PDGFC: variants seen among roughly 807,000 people sequenced by gnomAD.
PDGFC encodes platelet derived growth factor C, also known as platelet-derived growth factor C.
PDGFC carries 12 observed loss-of-function variants against 35.5 expected under a neutral mutation model. The observed-to-expected ratio is 0.34, with a 90% CI of 0.22 to 0.55. The LOEUF (loss-of-function observed/expected upper bound fraction) is 0.55, where lower values mean the gene tolerates loss of function less well. Among genes scored for constraint, PDGFC ranks in the 20% least tolerant of loss-of-function variants. The pLI, the probability that PDGFC is intolerant of heterozygous loss-of-function variation, is 0.91. For missense variants in PDGFC, 322 were observed against 412.4 expected (o/e 0.78, Z 1.90); for synonymous variants, 159 against 148.8 (o/e 1.07, Z -0.50).
intron 1 of PDGFC, among the ~76,000 whole-genome samples, chr4:156,883,824 A>G (rs756376659): frequency 5.9e-5 from 9 of 152,170 alleles, no homozygotes; most frequent in Non-Finnish European, 1.2e-4. Context: ...AATTAACAAT[A>G]TTATTATACC....
At chr4:156,827,324 G>A (rs1049588425) in intron 2 of PDGFC, among the ~76,000 whole-genome samples, 3 of 151,970 alleles carry the variant, frequency 2.0e-5, no homozygotes, top group African/African-American at 7.3e-5. Flanking sequence ...GGCTGAGGCA[G>A]GAGAATCGCT....
At chr4:156,764,776 GACTA>G (rs1199239049) in intron 5 of PDGFC, among the ~76,000 whole-genome samples, 2 of 152,100 alleles carry the variant, frequency 1.3e-5, no homozygotes, top group Non-Finnish European at 1.5e-5. Context: ...TAGTGTGTCA[GACTA>G]ACTACATTTC....
chr4:156,808,426 T>G (rs545661659), intron 3 of PDGFC, among the ~76,000 whole-genome samples: 3 of 152,150 alleles, frequency 2.0e-5, no homozygotes, highest in Admixed American at 6.6e-5. Context: ...GACCGTTGCC[T>G]CTGGGGAACA....
intron 1 of PDGFC, among the ~76,000 whole-genome samples, chr4:156,877,803 C>T (rs1349593202): frequency 5.9e-5 from 9 of 152,224 alleles, no homozygotes; most frequent in African/African-American, 2.2e-4. Context: ...GACACCCAAC[C>T]TCTCCCCGGC....
At chr4:156,899,835 T>A (rs1374214099) in intron 1 of PDGFC, among the ~76,000 whole-genome samples, 2 of 152,258 alleles carry the variant, frequency 1.3e-5, no homozygotes, top group African/African-American at 4.8e-5. Context: ...TTCATTAAAA[T>A]TATTTTTCTT....
chr4:156,927,276 C>T (rs989581141), intron 1 of PDGFC, among the ~76,000 whole-genome samples: 1 of 152,150 alleles, frequency 6.6e-6, no homozygotes, highest in Non-Finnish European at 1.5e-5. Flanking sequence ...AGACCTATGA[C>T]ATGCCCTGGA....
intron 1 of PDGFC, among the ~76,000 whole-genome samples, chr4:156,903,115 G>GTA (rs1560865583): frequency 7.1e-6 from 1 of 139,900 alleles, no homozygotes; most frequent in African/African-American, 2.5e-5. Flanking sequence ...GTGTGTGTGT[G>GTA]TGTGTGTGTG....
intron 2 of PDGFC, among the ~76,000 whole-genome samples, chr4:156,825,575 T>TAAGAAGAAGAAG (rs1193107464): frequency 1.2e-4 from 11 of 95,572 alleles, no homozygotes; most frequent in East Asian, 8.5e-4. Context: ...ATAATAATAA[T>TAAGAAGAAGAAG]AATAATAATA....
intron 1 of PDGFC, among the ~76,000 whole-genome samples, chr4:156,958,689 T>C (rs1260820923): frequency 6.6e-6 from 1 of 152,090 alleles, no homozygotes; most frequent in Admixed American, 6.6e-5. Context: ...GTCATCACCA[T>C]TAATGCGCAG....
chr4:156,950,921 T>C (rs1451543792), intron 1 of PDGFC, among the ~76,000 whole-genome samples: 1 of 151,902 alleles, frequency 6.6e-6, no homozygotes, highest in African/African-American at 2.4e-5. Flanking sequence ...AATTCACTTA[T>C]TGAATCTTTC....
rs190766822 is a variant in PDGFC at position 156,835,140 on chromosome 4, T to G, written c.314+15081A>C. ...CAGAAAATTGATTTTCTTAAACTGA[T>G]TACAAATAGAGTTTATCAGCAGTTT... On this transcript the variant is annotated intron_variant, in intron 2 of 5. Transcript: ENST00000502773. Among the ~76,000 whole-genome samples the G allele has an allele frequency of 3.7e-3, 570 of 152,218 alleles. 4 individuals are homozygous for G. Among genetic ancestry groups the G allele is most frequent in the African/African-American group, 0.013 (525 of 41,536 alleles).
At chr4:156,832,470 T>A (rs1185871161) in intron 2 of PDGFC, among the ~76,000 whole-genome samples, 1 of 152,060 alleles carries the variant, frequency 6.6e-6, no homozygotes, top group Admixed American at 6.6e-5. Context: ...TTGGCCAGGC[T>A]GGCCTCGAAC....
chr4:156,777,895 GA>G (rs1219878737), intron 3 of PDGFC, among the ~76,000 whole-genome samples: 2 of 152,136 alleles, frequency 1.3e-5, no homozygotes, highest in Non-Finnish European at 2.9e-5. Context: ...TTGAGGTTTA[GA>G]AGTTCAAGAC....
At chr4:156,944,105 T>A (rs1731878548) in intron 1 of PDGFC, among the ~76,000 whole-genome samples, 1 of 152,134 alleles carries the variant, frequency 6.6e-6, no homozygotes, top group African/African-American at 2.4e-5. Context: ...ACTGTAACGA[T>A]TAAAGGCATG....
chr4:156,904,472 T>C (rs965576243), intron 1 of PDGFC, among the ~76,000 whole-genome samples: 1 of 152,100 alleles, frequency 6.6e-6, no homozygotes, highest in African/African-American at 2.4e-5. Context: ...CCATAGAAAT[T>C]TATCTTTCAC....
At chr4:156,818,745 G>A (rs546470056) in intron 2 of PDGFC, among the ~76,000 whole-genome samples, 4 of 151,976 alleles carry the variant, frequency 2.6e-5, no homozygotes, top group South Asian at 2.1e-4. Flanking sequence ...CTCGTGATCC[G>A]CCCGCCTGGG....
At chr4:156,933,652 T>C (rs1731605496) in intron 1 of PDGFC, among the ~76,000 whole-genome samples, 1 of 152,148 alleles carries the variant, frequency 6.6e-6, no homozygotes, top group Admixed American at 6.5e-5. Context: ...TGGCTCTGTG[T>C]CCCCACCCAA....
chr4:156,909,297 A>C (rs185886870), intron 1 of PDGFC, among the ~76,000 whole-genome samples: 1 of 152,302 alleles, frequency 6.6e-6, no homozygotes, highest in East Asian at 1.9e-4. Flanking sequence ...AGAAATTCCT[A>C]AAATAAAGTG....
At chr4:156,832,657 T>C (rs1394800493) in intron 2 of PDGFC, among the ~76,000 whole-genome samples, 6 of 152,326 alleles carry the variant, frequency 3.9e-5, no homozygotes, top group South Asian at 4.1e-4. Flanking sequence ...TTTCTAGCAG[T>C]ATATGGTTGA....
Sources: gnomAD v4.1 joint callset for allele counts (sites outside exome capture counted in the v4.1 genomes callset) on GRCh38, gnomAD v4.1.1 for gene constraint, MANE v1.5 for transcripts, NCBI Gene and HGNC (gene_info 2026-07-23, HGNC 2026-07-21) for gene names.